The following DYNC2LI1 variants were observed in gnomAD, a reference collection of about 807,000 sequenced individuals.
DYNC2LI1 encodes the protein cytoplasmic dynein 2 light intermediate chain 1.
Under a neutral mutation model 51.9 loss-of-function variants are expected in DYNC2LI1, and 45 were observed. The ratio of observed to expected loss-of-function variants is 0.87; its 90% CI spans 0.68 to 1.11. The LOEUF is 1.11. DYNC2LI1 is among the 50% of genes most tolerant of loss of function. The pLI, the probability that DYNC2LI1 is intolerant of heterozygous loss-of-function variation, is 0.00. For missense variants in DYNC2LI1, 490 were observed against 417.4 expected, an observed-to-expected ratio of 1.17 and a Z score of -1.51; for synonymous variants, 130 against 137.8, an observed-to-expected ratio of 0.94 and a Z score of 0.40.
At chr2:43,822,715 C>T in the DYNC2LI1 span, 1 of 1,449,702 alleles carries the variant, frequency 6.9e-7, no homozygotes, top group Non-Finnish European at 9.2e-7. Flanking sequence ...AGAACTTCAC[C>T]CTGGAGCTCT....
the DYNC2LI1 span, chr2:43,824,929 A>T: frequency 1.2e-6 from 2 of 1,614,118 alleles, no homozygotes; most frequent in Non-Finnish European, 1.7e-6. Flanking sequence ...GACAAGGGTA[A>T]CCGCAGTCAT....
At chr2:43,820,851 G>C in the DYNC2LI1 span, among the ~76,000 whole-genome samples, 1 of 151,966 alleles carries the variant, frequency 6.6e-6, no homozygotes, top group Non-Finnish European at 1.5e-5. Context: ...ATGGGGTTTT[G>C]CCATATTGGC....
Position 43,801,684 on chromosome 2 carries a change from A to G in DYNC2LI1, c.777A>G (p.Ala259=). ...AGAATAAACCGCTGTTTATCACAGC[A>G]GGATTGGATTCTTTCGGTCAAATAG... ...VDQNKPLFIT[A]GLDSFGQIGS... is the part of the protein sequence containing the mutation. Residue 259 remains alanine (A), a synonymous_variant, in exon 10 of 13, where the codon GCA becomes GCG. Transcript: ENST00000260605. 8 of 1,610,130 alleles carry G rather than the reference A, an allele frequency of 5.0e-6. No homozygotes were observed. The highest frequency in any genetic ancestry group is 6.8e-6 in the Non-Finnish European group (8 of 1,177,940).
In DYNC2LI1 at chr2:43,787,274, T is replaced by G. The variant is rs770551992; in HGVS notation, c.231+24T>G. The G allele has an allele frequency of 4.5e-6, 7 of 1,571,490 alleles. No homozygotes were observed. The East Asian group carries it at 1.6e-4, about 35-fold the overall frequency. On this transcript the variant is annotated intron_variant, in intron 4 of 12. Coordinates refer to ENST00000260605, the MANE Select transcript of DYNC2LI1 (RefSeq NM_016008.4). The stretch of plus-strand genomic sequence containing the variant: ...CAGTAAGTGTCTTTTAAAGTGACAT[T>G]GCTATGCCCATAGATGGGAAAGTAA...
chr2:43,793,482 C>G (rs565251969), intron 5 of DYNC2LI1: 11 of 151,918 alleles, frequency 7.2e-5, no homozygotes, highest in Admixed American at 2.0e-4. Flanking sequence ...AAAACAACAA[C>G]AAAAAAATGT....
rs776504680 is a variant in DYNC2LI1, at chr2:43,795,914, C to T, written c.532C>T (p.Pro178Ser). The T allele has an allele frequency of 6.2e-7, 1 of 1,613,246 alleles. No individual in the cohort carries two copies. The highest frequency in any genetic ancestry group is 2.2e-5 in the East Asian group (1 of 44,822). Reference sequence around the variant, plus strand: ...GGATCATGAATTAATTGACCCATTTCCGGTACCTCTGGTCATAATTGGAAG... The same window carrying T: ...GGATCATGAATTAATTGACCCATTTTCGGTACCTCTGGTCATAATTGGAAG... ...HPDHELIDPF[P>S]VPLVIIGSKY... The change falls in exon 7 of 13, where the codon CCG (proline) becomes TCG (serine). Residue 178 changes from proline (P) to serine (S), a missense_variant. Physicochemically the swap from Pro to Ser is moderately conservative, Grantham distance 74. Coordinates refer to ENST00000260605, the MANE Select transcript of DYNC2LI1 (RefSeq NM_016008.4).
the DYNC2LI1 span, chr2:43,823,047 A>AG: frequency 4.8e-6 from 7 of 1,454,822 alleles, no homozygotes; most frequent in African/African-American, 2.8e-5. Context: ...AGGACCAGCT[A>AG]GGGGGGTTCC....
chr2:43,817,247 G>A, the DYNC2LI1 span, among the ~76,000 whole-genome samples: 2 of 152,340 alleles, frequency 1.3e-5, no homozygotes, highest in African/African-American at 4.8e-5. Context: ...CACCTTGGGA[G>A]GCCGAGGCAG....
rs1268804691 is a variant in DYNC2LI1 at position 43,787,239 on chromosome 2, G to A, written c.220G>A (p.Gly74Arg). ...LEYTYGRRAK[G>R]HNTPKDIAHF... ...ATATACATATGGAAGAAGAGCAAAAGGGCACAACACAGTAAGTGTCTTTTA... is the reference window on the plus strand; with the variant it reads ...ATATACATATGGAAGAAGAGCAAAAAGGCACAACACAGTAAGTGTCTTTTA... The change falls in exon 4 of 13, where the codon GGG becomes AGG. Residue 74 changes from glycine (G) to arginine (R), a missense_variant. By Grantham distance (125) the Gly-to-Arg change is moderately radical (BLOSUM62 -2). Transcript: ENST00000260605. 2.5e-6 allele frequency: 4 copies of A among 1,612,800 alleles called. No individual in the cohort carries two copies. The highest frequency in any genetic ancestry group is 2.2e-5 in the East Asian group (1 of 44,824).
the DYNC2LI1 span, chr2:43,826,565 C>G: frequency 6.2e-7 from 1 of 1,613,564 alleles, no homozygotes; most frequent in Non-Finnish European, 8.5e-7. Flanking sequence ...GTGCAGAGCC[C>G]AGGCTCTGTG....
Position 43,789,684 on chromosome 2 carries a change from G to A in DYNC2LI1, c.283G>A (p.Asp95Asn), listed in dbSNP as rs753395636. The A allele has an allele frequency of 1.9e-6, 3 of 1,613,652 alleles. No homozygotes were observed. The African/African-American group carries it at 4.0e-5, about 22-fold the overall frequency. The change falls in exon 5 of 13, where the codon GAC becomes AAC. Residue 95 changes from aspartate to asparagine, a missense_variant. Asp to Asn is a conservative substitution (Grantham distance 23). Transcript: ENST00000260605. ...ACTCGGTGGAGGAACCTCTTTATTG[G>A]ACTTAATCAGCATACCCATCACAGG... Reference protein sequence around the residue: ...WELGGGTSLLDLISIPITGDT... With the variant: ...WELGGGTSLLNLISIPITGDT...
intron 5 of DYNC2LI1, chr2:43,792,684 A>G: frequency 6.5e-7 from 1 of 1,545,020 alleles, no homozygotes; most frequent in East Asian, 2.5e-5. Flanking sequence ...AGCTCCTGGC[A>G]ACTATCATCC....
At chr2:43,792,833 C>A in intron 5 of DYNC2LI1, 1 of 1,507,746 alleles carries the variant, frequency 6.6e-7, no homozygotes, top group Non-Finnish European at 8.8e-7. Context: ...TCAGGATTTC[C>A]CTCACTTCTA....
chr2:43,825,089 C>G, the DYNC2LI1 span: 1 of 1,580,842 alleles, frequency 6.3e-7, no homozygotes, highest in African/African-American at 1.3e-5. Flanking sequence ...TCTCTGGGAA[C>G]ACTGATGCAG....
chr2:43,825,212 C>G, the DYNC2LI1 span, among the ~76,000 whole-genome samples: 1 of 152,112 alleles, frequency 6.6e-6, no homozygotes, highest in African/African-American at 2.4e-5. Flanking sequence ...TGGAGACATT[C>G]GAAATGCATC....
the DYNC2LI1 span, chr2:43,828,078 A>T: frequency 3.7e-6 from 6 of 1,614,038 alleles, no homozygotes; most frequent in Non-Finnish European, 4.2e-6. Context: ...TCGGTCTGCC[A>T]CATGGCTCAG....
chr2:43,823,671 C>G, the DYNC2LI1 span, among the ~76,000 whole-genome samples: 2,111 of 152,268 alleles, frequency 0.014, 43 homozygotes, highest in African/African-American at 0.048. Context: ...ACTCTCCCCA[C>G]CAGTACATTG....
At chr2:43,818,187 C>T in the DYNC2LI1 span, among the ~76,000 whole-genome samples, 2 of 152,148 alleles carry the variant, frequency 1.3e-5, no homozygotes, top group South Asian at 4.1e-4. Context: ...TGCGGTGGCT[C>T]ACACCTGTAA....
the DYNC2LI1 span, chr2:43,822,939 G>A: frequency 6.2e-6 from 10 of 1,613,522 alleles, no homozygotes; most frequent in African/African-American, 1.2e-4. Context: ...ACGGGAACTG[G>A]GGATGGAAGG....
Sources: gnomAD v4.1 joint callset for allele counts (sites outside exome capture counted in the v4.1 genomes callset) on GRCh38, gnomAD v4.1.1 for gene constraint, MANE v1.5 for transcripts, NCBI Gene and HGNC (gene_info 2026-07-23, HGNC 2026-07-21) for gene names.